Variants in HS3ST5 observed in about 807,000 individuals in gnomAD.
HS3ST5 encodes the protein heparan sulfate glucosamine 3-O-sulfotransferase 5.
In HS3ST5, 10 loss-of-function variants were observed where a neutral mutation model predicts 25.4. That is an observed-to-expected ratio of 0.39 (90% confidence interval 0.24 to 0.67). The LOEUF is 0.67. Ranked by LOEUF, HS3ST5 falls within the 30% of genes least tolerant of loss-of-function variation. The probability of loss-of-function intolerance (pLI) is 0.44; values close to 1 mark genes in which losing one functional copy is unlikely to be tolerated. For synonymous variants in HS3ST5, 170 were observed against 162.4 expected (o/e 1.05, Z -0.36); for missense variants, 324 against 420.7 (o/e 0.77, Z 2.01).
chr6:114,182,743 G>T (rs961446493), intron 2 of HS3ST5, among the ~76,000 whole-genome samples: 1 of 152,130 alleles, frequency 6.6e-6, no homozygotes, highest in Non-Finnish European at 1.5e-5. Flanking sequence ...GCATCCTCCA[G>T]TTATACCAGC....
In HS3ST5 at chr6:114,118,213, G is replaced by A. The variant is rs1020679066; in HGVS notation, c.-33+50138C>T. Among the ~76,000 whole-genome samples, 7 of 152,022 alleles carry A rather than the reference G, an allele frequency of 4.6e-5. No individual in the cohort carries two copies. In the East Asian group the frequency reaches 1.2e-3, roughly 25 times the overall value. On this transcript the variant is annotated intron_variant, in intron 3 of 4. Transcript: ENST00000312719. ...TGAGGTACCATTGAGATTCTGAGGGGGCATGTATGGACATCTATACAATTA... is the reference window on the plus strand; with the variant it reads ...TGAGGTACCATTGAGATTCTGAGGGAGCATGTATGGACATCTATACAATTA...
chr6:114,088,767 T>C (rs893175011), intron 3 of HS3ST5, among the ~76,000 whole-genome samples: 1 of 152,210 alleles, frequency 6.6e-6, no homozygotes, highest in Non-Finnish European at 1.5e-5. Flanking sequence ...TGTAAATATA[T>C]ATACAGACTC....
chr6:114,083,152 G>C (rs905882878), intron 3 of HS3ST5, among the ~76,000 whole-genome samples: 1 of 152,038 alleles, frequency 6.6e-6, no homozygotes. Flanking sequence ...GGTTTAAAGA[G>C]AGACTGATGA....
At chr6:114,144,471 A>G (rs1401645948) in intron 3 of HS3ST5, among the ~76,000 whole-genome samples, 2 of 152,232 alleles carry the variant, frequency 1.3e-5, no homozygotes. Context: ...GATAAGTTGC[A>G]TAATGGTCCC....
Position 114,281,730 on chromosome 6 carries a change from T to C in HS3ST5, c.-338-52952A>G, listed in dbSNP as rs570355962. 3.3e-5 allele frequency: 5 copies of C among 152,130 alleles called. No homozygotes were observed. The East Asian group carries it at 9.7e-4, about 30-fold the overall frequency. The allele number at this position is 152,130 out of a possible 1,614,324, so 9.4% of individuals were successfully genotyped here. ...TGAAATCCCCAAGGGAACACCGCAATATGTTTTAGCTTTTCTCAGTCTGGC... is the reference window on the plus strand; with the variant it reads ...TGAAATCCCCAAGGGAACACCGCAACATGTTTTAGCTTTTCTCAGTCTGGC... On this transcript the variant is annotated intron_variant, in intron 1 of 4. Coordinates refer to ENST00000312719, the MANE Select transcript of HS3ST5 (RefSeq NM_153612.4).
intron 1 of HS3ST5, among the ~76,000 whole-genome samples, chr6:114,314,502 G>A (rs185023638): frequency 2.6e-5 from 4 of 152,258 alleles, no homozygotes; most frequent in Admixed American, 1.3e-4. Context: ...GAAGTTTAAC[G>A]TTTGGAGTAA....
At chr6:114,328,279 GT>G (rs1562277391) in intron 1 of HS3ST5, among the ~76,000 whole-genome samples, 1 of 150,544 alleles carries the variant, frequency 6.6e-6, no homozygotes, top group Non-Finnish European at 1.5e-5. Context: ...GGAAGGAAGG[GT>G]AGCGATAGTG....
At chr6:114,250,568 G>C (rs957003729) in intron 1 of HS3ST5, among the ~76,000 whole-genome samples, 4 of 143,678 alleles carry the variant, frequency 2.8e-5, no homozygotes, top group African/African-American at 1.1e-4. Context: ...GTGACAGAGC[G>C]AGACTCCGTC....
chr6:114,162,916 AT>A (rs1347602518), intron 3 of HS3ST5, among the ~76,000 whole-genome samples: 5 of 152,006 alleles, frequency 3.3e-5, no homozygotes, highest in Non-Finnish European at 5.9e-5. Context: ...TTGTTACTTA[AT>A]GGTTACCCTG....
intron 1 of HS3ST5, among the ~76,000 whole-genome samples, chr6:114,325,053 G>T (rs1435328172): frequency 6.6e-6 from 1 of 152,196 alleles, no homozygotes; most frequent in Admixed American, 6.6e-5. Context: ...CTTAGGATTG[G>T]CTTGGTGTAG....
chr6:114,295,198 A>C (rs572657428), intron 1 of HS3ST5, among the ~76,000 whole-genome samples: 1 of 152,260 alleles, frequency 6.6e-6, no homozygotes, highest in East Asian at 1.9e-4. Flanking sequence ...ATATATTTAC[A>C]GAAAATAAGG....
chr6:114,186,646 C>T lies in HS3ST5; in HGVS notation c.-144-18184G>A, dbSNP rs139919587. Among the ~76,000 whole-genome samples, 381 of 152,232 alleles carry T rather than the reference C, an allele frequency of 2.5e-3. 1 individual carries two copies. Among genetic ancestry groups the T allele is most frequent in the African/African-American group, 8.8e-3 (364 of 41,532 alleles). On this transcript the variant is annotated intron_variant, in intron 2 of 4. Transcript: ENST00000312719. ...TGATATAGAGGCGGCAGCAAATTATCCAGAAGACCTAGCTAAGATAATTAA... is the reference window on the plus strand; with the variant it reads ...TGATATAGAGGCGGCAGCAAATTATTCAGAAGACCTAGCTAAGATAATTAA...
chr6:114,267,394 A>G (rs559207497), intron 1 of HS3ST5, among the ~76,000 whole-genome samples: 6 of 152,312 alleles, frequency 3.9e-5, no homozygotes, highest in African/African-American at 1.4e-4. Flanking sequence ...TAAAAATAAG[A>G]GGTGCTTAGC....
chr6:114,063,003 A>C, intron 3 of HS3ST5, 126 bp from the exon 4 acceptor site: 35 of 573,940 alleles, frequency 6.1e-5, no homozygotes, highest in Non-Finnish European at 7.2e-5. Context: ...ACCAACTCTC[A>C]CAAGTGTCAT....
chr6:114,295,045 C>CT, intron 1 of HS3ST5, among the ~76,000 whole-genome samples: 1 of 152,014 alleles, frequency 6.6e-6, no homozygotes, highest in South Asian at 2.1e-4. Flanking sequence ...GCACTAAAAA[C>CT]TTTTTTTTCA....
At chr6:114,066,638 CA>C (rs1773466675) in intron 3 of HS3ST5, among the ~76,000 whole-genome samples, 2 of 151,694 alleles carry the variant, frequency 1.3e-5, no homozygotes, top group South Asian at 4.2e-4. Context: ...GTCTCAAAAA[CA>C]AAAACAAAAA....
chr6:114,336,537 G>A (rs1485626881), intron 1 of HS3ST5, among the ~76,000 whole-genome samples: 1 of 152,220 alleles, frequency 6.6e-6, no homozygotes, highest in Non-Finnish European at 1.5e-5. Context: ...AACCCAAGAG[G>A]AGGAGGCTGC....
chr6:114,261,478 A>G (rs1773169052), intron 1 of HS3ST5, among the ~76,000 whole-genome samples: 2 of 152,174 alleles, frequency 1.3e-5, no homozygotes, highest in Non-Finnish European at 2.9e-5. Context: ...TTTTTCTGTA[A>G]GTATGGTCTG....
intron 3 of HS3ST5, among the ~76,000 whole-genome samples, chr6:114,081,606 G>C (rs1455333963): frequency 6.6e-6 from 1 of 152,174 alleles, no homozygotes; most frequent in Non-Finnish European, 1.5e-5. Context: ...ATCAAGGCTA[G>C]CAAAAGAGGA....
Sources: allele counts gnomAD v4.1 joint callset (sites outside exome capture counted in the v4.1 genomes callset), GRCh38; gene constraint gnomAD v4.1.1; transcripts MANE v1.5; gene names NCBI Gene and HGNC (gene_info 2026-07-23, HGNC 2026-07-21).